SSR2: variants seen among roughly 807,000 people sequenced by gnomAD.
The protein encoded by SSR2 is translocon-associated protein subunit beta.
A neutral mutation model predicts 22.6 loss-of-function variants in SSR2; 16 were observed. That is an observed-to-expected ratio of 0.71 (90% CI 0.48 to 1.08). SSR2 has a LOEUF of 1.08. SSR2 is among the 50% of genes least tolerant of loss of function. The pLI, the probability that SSR2 is intolerant of heterozygous loss-of-function variation, is 0.00. For missense variants in SSR2, 171 were observed against 221.6 expected (o/e 0.77, Z 1.45); for synonymous variants, 83 against 91.2 (o/e 0.91, Z 0.51).
At chr1:156,012,882 G>T (rs532649956) in intron 4 of SSR2, 9 of 181,984 alleles carry the variant, frequency 4.9e-5, no homozygotes. Context: ...CATTGCAGGG[G>T]CTTCATAAAT....
At chr1:156,017,739 GTTTTT>G (rs757236241) in intron 3 of SSR2, among the ~76,000 whole-genome samples, 1 of 61,886 alleles carries the variant, frequency 1.6e-5, no homozygotes, top group East Asian at 6.0e-4. Context: ...TATGTTTCAG[GTTTTT>G]TTTTTTTTTT....
chr1:156,016,139 C>T (rs547659736), intron 3 of SSR2, among the ~76,000 whole-genome samples: 2 of 151,844 alleles, frequency 1.3e-5, no homozygotes, highest in South Asian at 2.1e-4. Flanking sequence ...GCGACAAGAG[C>T]GAAACTCCAT....
intron 3 of SSR2, among the ~76,000 whole-genome samples, chr1:156,017,744 T>G (rs868055821): frequency 1.5e-4 from 16 of 109,012 alleles, no homozygotes; most frequent in African/African-American, 5.2e-4. Context: ...TTCAGGTTTT[T>G]TTTTTTTTTT....
Sources: allele counts gnomAD v4.1 joint callset (sites outside exome capture counted in the v4.1 genomes callset), GRCh38; gene constraint gnomAD v4.1.1; transcripts MANE v1.5; gene names NCBI Gene and HGNC (gene_info 2026-07-23, HGNC 2026-07-21).